The following CHL1 variants were observed in gnomAD, a reference collection of about 807,000 sequenced individuals.
The protein encoded by CHL1 is neural cell adhesion molecule L1-like protein.
CHL1 carries 96 observed loss-of-function variants against 141.9 expected under a neutral mutation model. That is an observed-to-expected ratio of 0.68 (90% CI 0.57 to 0.80). The LOEUF is 0.80. Ranked by LOEUF, CHL1 falls within the 30% of genes least tolerant of loss-of-function variation. The probability of loss-of-function intolerance (pLI) is 0.00; values close to 1 mark genes in which losing one functional copy is unlikely to be tolerated. For missense variants in CHL1, 1,820 were observed against 1,457.2 expected, an observed-to-expected ratio of 1.25 and a Z score of -4.05; for synonymous variants, 613 against 502.2, an observed-to-expected ratio of 1.22 and a Z score of -2.95.
chr3:360,345 A>C lies in CHL1; in HGVS notation c.1227A>C (p.Pro409=). Residue 409 remains proline (P), a synonymous_variant, in exon 12 of 28, where the codon CCA becomes CCC. Coordinates refer to ENST00000256509, the MANE Select transcript of CHL1 (RefSeq NM_006614.4). ...PREISFTNLQ[P]NHTAVYQCEA... Reference sequence around the variant, plus strand: ...AAATCAGTTTTACCAACCTTCAACCAAATCATACTGCTGTGTACCAGTGTG... The same window carrying C: ...AAATCAGTTTTACCAACCTTCAACCCAATCATACTGCTGTGTACCAGTGTG... 6.2e-7 allele frequency: 1 copy of C among 1,613,852 alleles called. No homozygotes were observed. The highest frequency in any genetic ancestry group is 8.5e-7 in the Non-Finnish European group (1 of 1,179,796).
Position 407,358 on chromosome 3 carries a change from T to C in CHL1, c.*1647T>C, listed in dbSNP as rs1709592950. 1 of 152,148 alleles carries C rather than the reference T, an allele frequency of 6.6e-6. No homozygotes were observed. Among genetic ancestry groups the C allele is most frequent in the South Asian group, 2.1e-4 (1 of 4,834 alleles). 9.4% of individuals were successfully genotyped at this position (152,148 alleles called of 1,614,324 possible). On this transcript the variant is annotated 3_prime_UTR_variant, in exon 28 of 28. Transcript: ENST00000256509. Reference sequence around the variant, plus strand: ...AGTCAGCGCAGGAATGCACATGGAATATCTACTTGTCCTTTTGAACCTCAC... The same window carrying C: ...AGTCAGCGCAGGAATGCACATGGAACATCTACTTGTCCTTTTGAACCTCAC...
intron 15 of CHL1, among the ~76,000 whole-genome samples, chr3:369,023 AGC>A (rs1307272328): frequency 6.6e-6 from 1 of 152,186 alleles, no homozygotes; most frequent in Non-Finnish European, 1.5e-5. Flanking sequence ...GAAGTCAGGT[AGC>A]GTGATGCCTC....
intron 15 of CHL1, chr3:373,547 G>A (rs956647768): frequency 6.6e-6 from 1 of 152,448 alleles, no homozygotes; most frequent in Admixed American, 6.5e-5. Flanking sequence ...AGCTTAGCGT[G>A]TTAGGCAGTT....
In CHL1 at chr3:328,192, C is replaced by G. The variant is rs954598804; in HGVS notation, c.223C>G (p.Pro75Ala). ...ATTTTCGTGGACTAAGGATGGCAAC[C>G]CTTTTTATTTCACTGACCATCGGAT... ...PTFSWTKDGN[P>A]FYFTDHRIIP... The change falls in exon 5 of 28, where the codon CCT becomes GCT. Residue 75 changes from proline (P) to alanine (A), a missense_variant. Physicochemically the swap from Pro to Ala is conservative, Grantham distance 27. Transcript: ENST00000256509. 1 of 1,604,182 alleles carries G rather than the reference C, an allele frequency of 6.2e-7. No homozygotes were observed. The highest frequency in any genetic ancestry group is 8.5e-7 in the Non-Finnish European group (1 of 1,174,748).
At chr3:378,480 A>G (rs964552136) in intron 16 of CHL1, among the ~76,000 whole-genome samples, 1 of 152,176 alleles carries the variant, frequency 6.6e-6, no homozygotes. Flanking sequence ...CAGTGTGCAC[A>G]CTTCACTAGT....
At chr3:378,436 G>A (rs140380074) in intron 16 of CHL1, among the ~76,000 whole-genome samples, 19 of 152,234 alleles carry the variant, frequency 1.2e-4, no homozygotes, top group Admixed American at 2.0e-4. Context: ...GATTTTTGTC[G>A]TTGTTGTTGT....
At chr3:254,970 A>G (rs1694024411) in intron 2 of CHL1, among the ~76,000 whole-genome samples, 1 of 152,102 alleles carries the variant, frequency 6.6e-6, no homozygotes, top group Non-Finnish European at 1.5e-5. Context: ...CCAAAGTTAT[A>G]TTTCCTATTG....
At chr3:315,556 A>T (rs983893501) in intron 2 of CHL1, among the ~76,000 whole-genome samples, 1 of 152,156 alleles carries the variant, frequency 6.6e-6, no homozygotes, top group Admixed American at 6.5e-5. Context: ...TCACTTTATA[A>T]TACTCATGAT....
intron 1 of CHL1, among the ~76,000 whole-genome samples, chr3:234,445 G>T (rs921794661): frequency 2.0e-5 from 3 of 152,058 alleles, no homozygotes; most frequent in Admixed American, 2.0e-4. Flanking sequence ...AGCATGAGAC[G>T]TTACGTAGTT....
At chr3:301,363 C>T (rs1698713038) in intron 2 of CHL1, among the ~76,000 whole-genome samples, 1 of 152,142 alleles carries the variant, frequency 6.6e-6, no homozygotes, top group Non-Finnish European at 1.5e-5. Flanking sequence ...AAAATATATA[C>T]ATCAGGAAAA....
intron 15 of CHL1, among the ~76,000 whole-genome samples, chr3:367,929 A>T (rs756258162): frequency 8.5e-5 from 13 of 152,068 alleles, no homozygotes; most frequent in Non-Finnish European, 1.5e-4. Context: ...ACATGATCTC[A>T]TTCCTTTTTA....
chr3:399,293 CGT>C (rs1253275461), intron 26 of CHL1, 145 bp downstream of exon 26: 1 of 646,140 alleles, frequency 1.5e-6, no homozygotes, highest in Non-Finnish European at 2.7e-6. Context: ...ACAGGAAAAA[CGT>C]ATTGCTAAAT....
At chr3:333,518 C>T (rs1701627647) in intron 5 of CHL1, among the ~76,000 whole-genome samples, 1 of 151,272 alleles carries the variant, frequency 6.6e-6, no homozygotes, top group South Asian at 2.1e-4. Context: ...GAAACAACAA[C>T]AACAAGAACC....
At chr3:228,303 A>G (rs2125024420) in intron 1 of CHL1, among the ~76,000 whole-genome samples, 1 of 151,246 alleles carries the variant, frequency 6.6e-6, no homozygotes, top group South Asian at 2.1e-4. Context: ...ATTTAGTCTA[A>G]GAGGTAGAAA....
At chr3:315,249 A>G (rs1255387622) in intron 2 of CHL1, among the ~76,000 whole-genome samples, 1 of 152,148 alleles carries the variant, frequency 6.6e-6, no homozygotes, top group Non-Finnish European at 1.5e-5. Flanking sequence ...CCCAGTTTGT[A>G]CAGCTGAGTG....
chr3:265,803 G>C (rs770281554), intron 2 of CHL1, among the ~76,000 whole-genome samples: 1 of 152,204 alleles, frequency 6.6e-6, no homozygotes, highest in Non-Finnish European at 1.5e-5. Flanking sequence ...GTGGAATGGA[G>C]AGTGAGGTAG....
At chr3:282,541 A>T (rs892891736) in intron 2 of CHL1, 31 of 152,204 alleles carry the variant, frequency 2.0e-4, no homozygotes, top group African/African-American at 6.8e-4. Context: ...GTAAGAAATT[A>T]TCTCAGTTTC....
At chr3:358,497 G>T (rs1042251913) in intron 11 of CHL1, among the ~76,000 whole-genome samples, 3 of 152,086 alleles carry the variant, frequency 2.0e-5, no homozygotes, top group African/African-American at 2.4e-5. Flanking sequence ...CATACATTCT[G>T]GGACTTAGAA....
intron 2 of CHL1, among the ~76,000 whole-genome samples, chr3:319,263 A>G (rs925104997): frequency 6.6e-6 from 1 of 151,742 alleles, no homozygotes; most frequent in East Asian, 1.9e-4. Context: ...AAAACTACCT[A>G]TCGGGTGCTA....
Sources: gnomAD v4.1 joint callset for allele counts (sites outside exome capture counted in the v4.1 genomes callset) on GRCh38, gnomAD v4.1.1 for gene constraint, MANE v1.5 for transcripts, NCBI Gene and HGNC (gene_info 2026-07-23, HGNC 2026-07-21) for gene names.